ZFHX3: variants seen among roughly 807,000 people sequenced by gnomAD.
ZFHX3 encodes zinc finger homeobox protein 3.
ZFHX3 carries 42 observed loss-of-function variants against 279.1 expected under a neutral mutation model. That is an observed-to-expected ratio of 0.15 (90% CI 0.12 to 0.19). ZFHX3 has a LOEUF of 0.19. Ranked by LOEUF, ZFHX3 falls within the 10% of genes least tolerant of loss-of-function variation. The pLI is 1.00. For missense variants in ZFHX3, 4,981 were observed against 4,754.0 expected (o/e 1.05, Z -1.40); for synonymous variants, 2,293 against 1,957.8 (o/e 1.17, Z -4.52).
chr16:73,800,461 T>A (rs1960112882), intron 1 of ZFHX3, among the ~76,000 whole-genome samples: 1 of 152,184 alleles, frequency 6.6e-6, no homozygotes, highest in East Asian at 1.9e-4. Flanking sequence ...AGGTGATCCA[T>A]CTGCTTTGGC....
chr16:73,665,212 C>CTTTT (rs11410802), intron 2 of ZFHX3, among the ~76,000 whole-genome samples: 1 of 138,536 alleles, frequency 7.2e-6, no homozygotes, highest in Non-Finnish European at 1.5e-5. Context: ...CATCATTGCA[C>CTTTT]TTTTTTTTTT....
chr16:72,908,631 G>A (rs934381281), intron 3 of ZFHX3, among the ~76,000 whole-genome samples: 2 of 152,164 alleles, frequency 1.3e-5, no homozygotes, highest in African/African-American at 4.8e-5. Context: ...AGTCCCGCTG[G>A]TGCCAGCTGC....
At chr16:72,855,706 T>A (rs1045036367) in intron 4 of ZFHX3, among the ~76,000 whole-genome samples, 1 of 152,116 alleles carries the variant, frequency 6.6e-6, no homozygotes, top group Non-Finnish European at 1.5e-5. Flanking sequence ...ATATGGAAAA[T>A]AATGCTCGCG....
chr16:72,889,168 A>C (rs756860696), intron 4 of ZFHX3, among the ~76,000 whole-genome samples: 1 of 152,178 alleles, frequency 6.6e-6, no homozygotes, highest in Non-Finnish European at 1.5e-5. Context: ...AGCAGCAAGC[A>C]GCATGGACCC....
intron 1 of ZFHX3, chr16:73,014,355 G>A (rs926889107): frequency 6.7e-5 from 10 of 148,748 alleles, no homozygotes; most frequent in Non-Finnish European, 1.3e-4. Flanking sequence ...ATCATCAACA[G>A]CCATTCTTTA....
At chr16:73,600,373 G>A (rs2143859979) in intron 2 of ZFHX3, among the ~76,000 whole-genome samples, 1 of 151,658 alleles carries the variant, frequency 6.6e-6, no homozygotes. Context: ...ATATTTCCAT[G>A]GCTGCTGTAT....
chr16:73,031,782 T>C (rs1185313498), intron 1 of ZFHX3, among the ~76,000 whole-genome samples: 1 of 152,128 alleles, frequency 6.6e-6, no homozygotes, highest in East Asian at 1.9e-4. Context: ...ACGGGCCCTC[T>C]GGCTGAAAAG....
chr16:72,821,838 G>A (rs2036799914), intron 5 of ZFHX3: 1 of 152,200 alleles, frequency 6.6e-6, no homozygotes, highest in Non-Finnish European at 1.5e-5. Flanking sequence ...AACATTTGTT[G>A]CTATGGTTTC....
At chr16:73,312,847 C>T (rs2015357381) in intron 4 of ZFHX3, among the ~76,000 whole-genome samples, 1 of 152,220 alleles carries the variant, frequency 6.6e-6, no homozygotes, top group South Asian at 2.1e-4. Context: ...ACTGTAGTTG[C>T]AAACATTTGT....
chr16:73,634,553 G>T (rs1218345538), intron 2 of ZFHX3, among the ~76,000 whole-genome samples: 1 of 151,170 alleles, frequency 6.6e-6, no homozygotes, highest in Non-Finnish European at 1.5e-5. Flanking sequence ...AGAAAGTATA[G>T]ACTGTGTTCA....
At chr16:73,580,848 G>A (rs1234355908) in intron 2 of ZFHX3, among the ~76,000 whole-genome samples, 1 of 151,760 alleles carries the variant, frequency 6.6e-6, no homozygotes, top group Admixed American at 6.6e-5. Context: ...GTGTTTTTGT[G>A]TTCTTTTGAC....
intron 5 of ZFHX3, among the ~76,000 whole-genome samples, chr16:73,157,564 A>G (rs1028764936): frequency 2.0e-5 from 3 of 151,994 alleles, no homozygotes; most frequent in Non-Finnish European, 4.4e-5. Flanking sequence ...AAGGGGGTCG[A>G]GTCACTATCC....
chr16:73,150,029 G>A lies in ZFHX3; in HGVS notation c.-1103-6198C>T, dbSNP rs114004202. Among the ~76,000 whole-genome samples the A allele has an allele frequency of 9.1e-3, 1,380 of 152,214 alleles. 26 individuals are homozygous for A. The highest frequency in any genetic ancestry group is 0.031 in the African/African-American group (1,288 of 41,526). Reference sequence around the variant, plus strand: ...TCTACAGTTTGATTCCAGAATGGTCGTTTCCAAAGATGACATTCAATGATT... The same window carrying A: ...TCTACAGTTTGATTCCAGAATGGTCATTTCCAAAGATGACATTCAATGATT... On this transcript the variant is annotated intron_variant, in intron 5 of 17. Transcript: ENST00000641206.
At chr16:73,382,964 G>A (rs563633715) in intron 3 of ZFHX3, among the ~76,000 whole-genome samples, 1 of 152,140 alleles carries the variant, frequency 6.6e-6, no homozygotes. Context: ...TGAAGGAACC[G>A]GTGAATTCTT....
At chr16:73,102,542 G>A (rs964115721) in intron 7 of ZFHX3, among the ~76,000 whole-genome samples, 2 of 152,140 alleles carry the variant, frequency 1.3e-5, no homozygotes, top group African/African-American at 4.8e-5. Flanking sequence ...GACATGTAGC[G>A]ATGTGTGTAT....
intron 1 of ZFHX3, among the ~76,000 whole-genome samples, chr16:72,989,178 T>TA (rs548072736): frequency 0.12 from 16,528 of 138,228 alleles, 1,132 homozygotes; most frequent in African/African-American, 0.2. Flanking sequence ...TGTCTCAAAT[T>TA]AAAAAAAAAA....
intron 2 of ZFHX3, among the ~76,000 whole-genome samples, chr16:73,521,964 T>C (rs1483804918): frequency 6.6e-6 from 1 of 152,164 alleles, no homozygotes; most frequent in Non-Finnish European, 1.5e-5. Context: ...GATGAAAATG[T>C]CAACTTCCGT....
chr16:72,897,561 T>C (rs1178508680), intron 3 of ZFHX3, among the ~76,000 whole-genome samples: 2 of 152,032 alleles, frequency 1.3e-5, no homozygotes, highest in Admixed American at 1.3e-4. Context: ...CCACCTCAGC[T>C]TCCTGAGTAG....
At chr16:73,158,951 T>A (rs1436146903) in intron 5 of ZFHX3, among the ~76,000 whole-genome samples, 1 of 152,160 alleles carries the variant, frequency 6.6e-6, no homozygotes, top group African/African-American at 2.4e-5. Context: ...AAGACTTAAA[T>A]GTAAAACTCA....
Sources: allele counts gnomAD v4.1 joint callset (sites outside exome capture counted in the v4.1 genomes callset), GRCh38; gene constraint gnomAD v4.1.1; transcripts MANE v1.5; gene names NCBI Gene and HGNC (gene_info 2026-07-23, HGNC 2026-07-21).